ARHGAP31: variants seen among roughly 807,000 people sequenced by gnomAD.
ARHGAP31 encodes the protein rho GTPase-activating protein 31.
Under a neutral mutation model 113.9 loss-of-function variants are expected in ARHGAP31, and 34 were observed. The ratio of observed to expected loss-of-function variants is 0.30; its 90% confidence interval spans 0.23 to 0.40. The LOEUF is 0.40. ARHGAP31 is among the 10% of genes least tolerant of loss of function. ARHGAP31 has a pLI of 1.00. For synonymous variants in ARHGAP31, 650 were observed against 684.8 expected, an observed-to-expected ratio of 0.95 and a Z score of 0.79; for missense variants, 1,548 against 1,767.1, an observed-to-expected ratio of 0.88 and a Z score of 2.22.
intron 1 of ARHGAP31, among the ~76,000 whole-genome samples, chr3:119,305,122 G>A (rs935173822): frequency 2.6e-5 from 4 of 152,100 alleles, no homozygotes; most frequent in South Asian, 4.2e-4. Context: ...GCCAGGAAGC[G>A]GCAGAAGCAA....
chr3:119,299,815 C>T (rs2079564551), intron 1 of ARHGAP31, among the ~76,000 whole-genome samples: 1 of 152,228 alleles, frequency 6.6e-6, no homozygotes, highest in South Asian at 2.1e-4. Context: ...AGACAAGATA[C>T]TCAAACATCA....
chr3:119,344,115 G>A (rs1290738604), intron 1 of ARHGAP31, among the ~76,000 whole-genome samples: 3 of 152,164 alleles, frequency 2.0e-5, no homozygotes, highest in South Asian at 2.1e-4. Context: ...AATATTAGAC[G>A]CTGGACTAAA....
intron 1 of ARHGAP31, among the ~76,000 whole-genome samples, chr3:119,333,515 A>T (rs1559970102): frequency 6.6e-6 from 1 of 152,142 alleles, no homozygotes; most frequent in Non-Finnish European, 1.5e-5. Context: ...TTCTTAATAC[A>T]TGTGATAAAT....
chr3:119,405,401 GT>G (rs1244919360), intron 10 of ARHGAP31, among the ~76,000 whole-genome samples: 1 of 152,180 alleles, frequency 6.6e-6, no homozygotes, highest in Non-Finnish European at 1.5e-5. Flanking sequence ...ACCCAGGGGT[GT>G]TGTCCTTGTC....
intron 11 of ARHGAP31, among the ~76,000 whole-genome samples, chr3:119,412,336 C>T (rs1268611693): frequency 2.0e-5 from 3 of 150,940 alleles, no homozygotes; most frequent in African/African-American, 7.3e-5. Context: ...TGCAATGAGC[C>T]GAAATCATGC....
chr3:119,346,637 C>G (rs2080059760), intron 1 of ARHGAP31, among the ~76,000 whole-genome samples: 1 of 152,228 alleles, frequency 6.6e-6, no homozygotes, highest in Admixed American at 6.5e-5. Context: ...TTAATTTGAG[C>G]TGACTGCTAA....
At chr3:119,381,084 T>A in intron 4 of ARHGAP31, 98 bp downstream of exon 4, 1 of 1,213,960 alleles carries the variant, frequency 8.2e-7, no homozygotes, top group Non-Finnish European at 1.2e-6. Flanking sequence ...GTGTGGACAG[T>A]AGCAAGTTTA....
At chr3:119,324,236 A>T (rs550158518) in intron 1 of ARHGAP31, among the ~76,000 whole-genome samples, 2 of 152,154 alleles carry the variant, frequency 1.3e-5, no homozygotes, top group African/African-American at 4.8e-5. Flanking sequence ...ACTCACTTCA[A>T]ACCCTCCTAG....
At chr3:119,300,760 GA>G (rs569799577) in intron 1 of ARHGAP31, among the ~76,000 whole-genome samples, 54 of 151,456 alleles carry the variant, frequency 3.6e-4, no homozygotes, top group Non-Finnish European at 5.9e-4. Flanking sequence ...CTGGGAGGCG[GA>G]GGTTGCAGTG....
At chr3:119,332,492 G>A (rs1009337966) in intron 1 of ARHGAP31, among the ~76,000 whole-genome samples, 2 of 151,970 alleles carry the variant, frequency 1.3e-5, no homozygotes, top group African/African-American at 2.4e-5. Flanking sequence ...AAGAGCCACC[G>A]CACCGGCCGG....
chr3:119,394,275 G>A (rs935787314), intron 8 of ARHGAP31, among the ~76,000 whole-genome samples: 1 of 152,124 alleles, frequency 6.6e-6, no homozygotes, highest in African/African-American at 2.4e-5. Context: ...ATGGTTCTTG[G>A]ATGTAACAAT....
At chr3:119,347,111 C>G (rs2080067096) in intron 1 of ARHGAP31, among the ~76,000 whole-genome samples, 1 of 151,632 alleles carries the variant, frequency 6.6e-6, no homozygotes, top group African/African-American at 2.4e-5. Flanking sequence ...CCTTCAAAGG[C>G]TCACTGTGCG....
chr3:119,407,580 A>G (rs1033488718), intron 10 of ARHGAP31, among the ~76,000 whole-genome samples: 1 of 152,270 alleles, frequency 6.6e-6, no homozygotes. Flanking sequence ...AGAATAAACC[A>G]ATAAGCTAAT....
chr3:119,390,764 G>C lies in ARHGAP31; in HGVS notation c.683-21G>C. 4 of 1,610,162 alleles carry C rather than the reference G, an allele frequency of 2.5e-6. No homozygotes were observed. In the South Asian group the frequency reaches 3.3e-5, roughly 13 times the overall value. On this transcript the variant is annotated intron_variant, in intron 6 of 11. Transcript: ENST00000264245. ...ATGGGCAGGCCTCCTCCAACACTGAGCTCTTCCATTGCCTTTACAGAAAAC... is the reference window on the plus strand; with the variant it reads ...ATGGGCAGGCCTCCTCCAACACTGACCTCTTCCATTGCCTTTACAGAAAAC...
intron 4 of ARHGAP31, 34 bp from the exon 5 acceptor site, chr3:119,382,258 G>C (rs2107631503): frequency 3.1e-6 from 5 of 1,596,976 alleles, no homozygotes; most frequent in Middle Eastern, 1.7e-4. Flanking sequence ...GGGCACTGAA[G>C]TTTCTTACTT....
chr3:119,415,817 C>A lies in ARHGAP31; in HGVS notation c.3888C>A (p.Asn1296Lys). The stretch of plus-strand genomic sequence containing the variant: ...TTTCTCCAGAACCAGGCTCGTCTAA[C>A]CTGCTCTCCACCCAGGATGCAGTAG... Reference protein sequence around the residue: ...PTLSPEPGSSNLLSTQDAVVQ... With the variant: ...PTLSPEPGSSKLLSTQDAVVQ... Residue 1296 changes from asparagine to lysine, a missense_variant, in exon 12 of 12, where the codon AAC becomes AAA. Coordinates refer to ENST00000264245, the MANE Select transcript of ARHGAP31 (RefSeq NM_020754.4). 2 of 1,614,258 alleles carry A rather than the reference C, an allele frequency of 1.2e-6. No homozygotes were observed. The highest frequency in any genetic ancestry group is 8.5e-7 in the Non-Finnish European group (1 of 1,180,052).
chr3:119,371,366 G>A (rs756432785), intron 3 of ARHGAP31, among the ~76,000 whole-genome samples: 5 of 152,112 alleles, frequency 3.3e-5, no homozygotes, highest in Non-Finnish European at 7.4e-5. Context: ...AAAATACCAA[G>A]GCAGCTTGTC....
chr3:119,355,488 T>A (rs1177616627), intron 1 of ARHGAP31, among the ~76,000 whole-genome samples: 1 of 151,618 alleles, frequency 6.6e-6, no homozygotes. Flanking sequence ...TTTTTTTAAT[T>A]TCTTTTTTTT....
chr3:119,335,446 C>T (rs1220813306), intron 1 of ARHGAP31, among the ~76,000 whole-genome samples: 16 of 152,282 alleles, frequency 1.1e-4, no homozygotes, highest in African/African-American at 3.1e-4. Flanking sequence ...ACCCTAACCC[C>T]GGTCCTCAAA....
Sources: gnomAD v4.1 joint callset for allele counts (sites outside exome capture counted in the v4.1 genomes callset) on GRCh38, gnomAD v4.1.1 for gene constraint, MANE v1.5 for transcripts, NCBI Gene and HGNC (gene_info 2026-07-23, HGNC 2026-07-21) for gene names.